Variants in NAA16 observed in about 807,000 individuals in gnomAD.
NAA16 encodes NARG1-like protein.
Under a neutral mutation model 110.3 loss-of-function variants are expected in NAA16, and 97 were observed. That is an observed-to-expected ratio of 0.88 (90% CI 0.75 to 1.04). NAA16 has a LOEUF of 1.04. Ranked by LOEUF, NAA16 falls within the 50% of genes least tolerant of loss-of-function variation. The pLI is 0.00. For missense variants in NAA16, 1,017 were observed against 1,005.1 expected (o/e 1.01, Z -0.16); for synonymous variants, 372 against 330.6 (o/e 1.13, Z -1.36).
chr13:41,336,592 T>C, intron 8 of NAA16, 58 bp from the exon 9 acceptor site: 1 of 1,052,748 alleles, frequency 9.5e-7, no homozygotes, highest in Non-Finnish European at 1.4e-6. Flanking sequence ...ATTTAGAAAA[T>C]CATTTTAAGA....
intron 8 of NAA16, among the ~76,000 whole-genome samples, chr13:41,334,747 T>G (rs1279716094): frequency 6.6e-6 from 1 of 152,190 alleles, no homozygotes; most frequent in Admixed American, 6.5e-5. Flanking sequence ...GCAAATTAGG[T>G]AAAAAGAGTT....
chr13:41,353,362 G>A (rs1282745888), intron 9 of NAA16, among the ~76,000 whole-genome samples: 1 of 151,958 alleles, frequency 6.6e-6, no homozygotes, highest in East Asian at 1.9e-4. Flanking sequence ...GATTAAAAAT[G>A]TCTGTTAACT....
chr13:41,369,755 G>T lies in NAA16; in HGVS notation c.1947+472G>T, dbSNP rs115731076. Among the ~76,000 whole-genome samples the T allele has an allele frequency of 8.1e-3, 1,233 of 152,246 alleles. 17 individuals carry two copies. The highest frequency in any genetic ancestry group is 0.028 in the African/African-American group (1,171 of 41,520). ...TGCTGGCTTTGAAGATGGAAGGAGGGTGCCCCAAGCTAAGGAGTGTGGGCA... is the reference window on the plus strand; with the variant it reads ...TGCTGGCTTTGAAGATGGAAGGAGGTTGCCCCAAGCTAAGGAGTGTGGGCA... On this transcript the variant is annotated intron_variant, in intron 15 of 19. Transcript: ENST00000379406.
chr13:41,330,616 T>A (rs1010208113), intron 7 of NAA16, among the ~76,000 whole-genome samples: 1 of 152,080 alleles, frequency 6.6e-6, no homozygotes, highest in African/African-American at 2.4e-5. Context: ...ATTTGCTTGC[T>A]TATTGTTGTT....
rs139054727 is a variant in NAA16, at chr13:41,355,696, G to A, written c.1087+480G>A. Among the ~76,000 whole-genome samples, 879 of 152,252 alleles carry A rather than the reference G, an allele frequency of 5.8e-3. 6 individuals carry two copies. The highest frequency in any genetic ancestry group is 9.7e-3 in the Non-Finnish European group (657 of 68,006). ...ACCCGCCTCAGCCTCCCAAAGTGCTGGGATTACAGGCGTGAGCCACCACAC... is the reference window on the plus strand; with the variant it reads ...ACCCGCCTCAGCCTCCCAAAGTGCTAGGATTACAGGCGTGAGCCACCACAC... On this transcript the variant is annotated intron_variant, in intron 10 of 19. Transcript: ENST00000379406.
rs1221616038 is a variant in NAA16 at position 41,372,712 on chromosome 13, T to C, written c.2057-20T>C. The C allele has an allele frequency of 3.2e-6, 5 of 1,580,110 alleles. No individual in the cohort carries two copies. In the African/African-American group the frequency reaches 4.1e-5, roughly 13 times the overall value. Reference sequence around the variant, plus strand: ...TGTGTAAGTATTAATGCTATTACTTTTGTATTTTTTCTGACACAGGAAAGT... The same window carrying C: ...TGTGTAAGTATTAATGCTATTACTTCTGTATTTTTTCTGACACAGGAAAGT... On this transcript the variant is annotated intron_variant, in intron 16 of 19. Coordinates refer to ENST00000379406, the MANE Select transcript of NAA16 (RefSeq NM_024561.5).
intron 8 of NAA16, among the ~76,000 whole-genome samples, chr13:41,335,908 A>G (rs1347065003): frequency 2.0e-5 from 3 of 150,990 alleles, no homozygotes; most frequent in African/African-American, 4.9e-5. Context: ...GTCCTTATGT[A>G]TTAGTCCATA....
Position 41,367,879 on chromosome 13 carries a change from T to A in NAA16, c.1753+227T>A, listed in dbSNP as rs549515405. 2.0e-3 allele frequency among the ~76,000 whole-genome samples: 303 copies of A among 150,074 alleles called. 1 individual carries two copies. Among genetic ancestry groups the A allele is most frequent in the Middle Eastern group, 6.8e-3 (2 of 292 alleles). On this transcript the variant is annotated intron_variant, in intron 14 of 19. Transcript: ENST00000379406. ...ATTACTTTAATGGAACAACTTAGAATTTTTTTTATTTTTGTCTTCAGAAAG... is the reference window on the plus strand; with the variant it reads ...ATTACTTTAATGGAACAACTTAGAAATTTTTTTATTTTTGTCTTCAGAAAG...
chr13:41,328,779 C>A lies in NAA16; in HGVS notation c.747C>A (p.Asn249Lys). Residue 249 changes from asparagine (N) to lysine (K), a missense_variant, in exon 7 of 20, where the codon AAC becomes AAA. Coordinates refer to ENST00000379406, the MANE Select transcript of NAA16 (RefSeq NM_024561.5). The stretch of plus-strand genomic sequence containing the variant: ...AAGAAGCCAGTGAAGTGTTCAAAAA[C>A]TTGATTGATCGAAATGCAGAAAATT... Reference protein sequence around the residue: ...RLKEASEVFKNLIDRNAENWC... With the variant: ...RLKEASEVFKKLIDRNAENWC... The A allele has an allele frequency of 6.2e-7, 1 of 1,607,530 alleles. No individual in the cohort carries two copies. Among genetic ancestry groups the A allele is most frequent in the African/African-American group, 1.3e-5 (1 of 74,874 alleles).
intron 13 of NAA16, among the ~76,000 whole-genome samples, chr13:41,365,860 T>C (rs1046935270): frequency 5.3e-5 from 8 of 152,234 alleles, no homozygotes; most frequent in African/African-American, 1.2e-4. Context: ...GAATATCTCT[T>C]GAAGTTTGTC....
At chr13:41,344,981 A>G (rs1416673520) in intron 9 of NAA16, among the ~76,000 whole-genome samples, 1 of 152,182 alleles carries the variant, frequency 6.6e-6, no homozygotes, top group Non-Finnish European at 1.5e-5. Flanking sequence ...GGACTTATCT[A>G]ATATATAGTC....
chr13:41,369,882 G>T (rs75576570), intron 15 of NAA16, among the ~76,000 whole-genome samples: 2 of 152,180 alleles, frequency 1.3e-5, no homozygotes, highest in African/African-American at 2.4e-5. Flanking sequence ...GTGAGACTGT[G>T]TTGGGCTTTT....
chr13:41,332,342 G>A (rs770355097), intron 8 of NAA16, among the ~76,000 whole-genome samples: 1 of 151,976 alleles, frequency 6.6e-6, no homozygotes, highest in Admixed American at 6.6e-5. Flanking sequence ...CATGTATTTT[G>A]TATTCCTGAA....
intron 15 of NAA16, among the ~76,000 whole-genome samples, chr13:41,369,523 T>TC (rs1185807116): frequency 3.9e-5 from 6 of 152,002 alleles, no homozygotes; most frequent in East Asian, 1.9e-4. Context: ...TGTGTTCTGG[T>TC]CCCCCCAGCC....
chr13:41,366,324 T>A (rs2139509798), intron 13 of NAA16, among the ~76,000 whole-genome samples: 1 of 152,304 alleles, frequency 6.6e-6, no homozygotes, highest in South Asian at 2.1e-4. Context: ...ATCAGATGAT[T>A]ATGGACAATT....
intron 1 of NAA16, among the ~76,000 whole-genome samples, chr13:41,315,632 A>G (rs1161599558): frequency 6.6e-6 from 1 of 152,146 alleles, no homozygotes; most frequent in African/African-American, 2.4e-5. Flanking sequence ...TTACAGACAT[A>G]TCATAGCTGC....
In NAA16 at chr13:41,375,670, G is replaced by T. The variant is rs2043415615; in HGVS notation, c.*68G>T. ...GAGATCAGGGTTTCTTTTCCAGGGT[G>T]CATTTTAATATACGTATGAAATGAA... is the stretch of plus-strand genomic sequence containing the variant. On this transcript the variant is annotated 3_prime_UTR_variant, in exon 20 of 20. Coordinates refer to ENST00000379406, the MANE Select transcript of NAA16 (RefSeq NM_024561.5). 1 of 1,154,304 alleles carries T rather than the reference G, an allele frequency of 8.7e-7. No homozygotes were observed. The highest frequency in any genetic ancestry group is 1.2e-6 in the Non-Finnish European group (1 of 819,354). The allele number at this position is 1,154,304 out of a possible 1,614,324, so 71.5% of individuals were successfully genotyped here. A position where few individuals can be genotyped will look rare whatever the true frequency, so the allele number is the denominator to read the frequency against.
chr13:41,332,154 C>A (rs1287747427), intron 8 of NAA16, among the ~76,000 whole-genome samples: 1 of 151,448 alleles, frequency 6.6e-6, no homozygotes, highest in Non-Finnish European at 1.5e-5. Context: ...AACCCCTGGG[C>A]TCAAGCTATA....
intron 9 of NAA16, among the ~76,000 whole-genome samples, chr13:41,351,250 G>T (rs2042827699): frequency 6.6e-6 from 1 of 152,172 alleles, no homozygotes; most frequent in Admixed American, 6.5e-5. Flanking sequence ...TCAAGAAATG[G>T]TAATTTTCCC....
Sources: allele counts gnomAD v4.1 joint callset (sites outside exome capture counted in the v4.1 genomes callset), GRCh38; gene constraint gnomAD v4.1.1; transcripts MANE v1.5; gene names NCBI Gene and HGNC (gene_info 2026-07-23, HGNC 2026-07-21).